The following SRP68 variants were observed in gnomAD, a reference collection of about 807,000 sequenced individuals.
SRP68 encodes signal recognition particle 68.
In SRP68, 15 loss-of-function variants were observed where a neutral mutation model predicts 82.2. That is an observed-to-expected ratio of 0.18 (90% confidence interval 0.12 to 0.28). SRP68 has a LOEUF of 0.28. Among genes scored for constraint, SRP68 ranks in the 10% least tolerant of loss-of-function variants. The pLI, the probability that SRP68 is intolerant of heterozygous loss-of-function variation, is 1.00. For missense variants in SRP68, 595 were observed against 780.5 expected (o/e 0.76, Z 2.83); for synonymous variants, 261 against 292.6 (o/e 0.89, Z 1.10).
chr17:76,055,399 G>A (rs796276983), intron 8 of SRP68, among the ~76,000 whole-genome samples: 1 of 152,026 alleles, frequency 6.6e-6, no homozygotes, highest in Non-Finnish European at 1.5e-5. Flanking sequence ...CAGTGTACAC[G>A]GTACCCAATG....
intron 12 of SRP68, among the ~76,000 whole-genome samples, chr17:76,044,585 C>T (rs573056226): frequency 1.3e-5 from 2 of 152,308 alleles, no homozygotes; most frequent in African/African-American, 2.4e-5. Flanking sequence ...TTCCAAGTTA[C>T]AAATGACACA....
intron 4 of SRP68, among the ~76,000 whole-genome samples, chr17:76,062,011 GC>G (rs1266116238): frequency 1.3e-5 from 2 of 151,920 alleles, no homozygotes; most frequent in African/African-American, 4.8e-5. Context: ...GTGTGGCCAG[GC>G]GCAGTGGCTC....
chr17:76,052,014 T>A (rs555798479), intron 8 of SRP68, among the ~76,000 whole-genome samples: 77 of 152,312 alleles, frequency 5.1e-4, no homozygotes, highest in Non-Finnish European at 3.2e-4. Flanking sequence ...TTCATGAGAT[T>A]CTCCTGCCTC....
chr17:76,048,139 A>G (rs2066645232), intron 9 of SRP68, 169 bp from the exon 10 acceptor site: 1 of 344,160 alleles, frequency 2.9e-6, no homozygotes, highest in East Asian at 4.7e-5. Flanking sequence ...CTAGAATGAC[A>G]GTGGCACTCA....
At chr17:76,067,049 C>G (rs1035681075) in intron 3 of SRP68, among the ~76,000 whole-genome samples, 168 bp downstream of exon 3, 3 of 152,068 alleles carry the variant, frequency 2.0e-5, no homozygotes, top group Non-Finnish European at 4.4e-5. Flanking sequence ...CTTGAACAAC[C>G]TAATGTATCT....
intron 8 of SRP68, among the ~76,000 whole-genome samples, chr17:76,056,879 G>T (rs1047267422): frequency 6.6e-6 from 1 of 152,152 alleles, no homozygotes; most frequent in Non-Finnish European, 1.5e-5. Flanking sequence ...CTTTTAGGAC[G>T]CATTTGGTTG....
At chr17:76,055,067 C>T (rs185993567) in intron 8 of SRP68, among the ~76,000 whole-genome samples, 43 of 151,756 alleles carry the variant, frequency 2.8e-4, no homozygotes, top group Admixed American at 6.6e-4. Flanking sequence ...AGTGATTCTC[C>T]TGCCTCAGCC....
At chr17:76,060,093 T>C (rs2066740652) in intron 7 of SRP68, among the ~76,000 whole-genome samples, 2 of 109,098 alleles carry the variant, frequency 1.8e-5, no homozygotes, top group Non-Finnish European at 3.3e-5. Context: ...GCCACCGCAC[T>C]CCAGCCTGGG....
chr17:76,061,766 C>T, intron 4 of SRP68, 192 bp from the exon 5 acceptor site: 1 of 427,306 alleles, frequency 2.3e-6, no homozygotes, highest in Non-Finnish European at 4.3e-6. Context: ...TGAAGACAAG[C>T]CAGGGCAATA....
Position 76,062,742 on chromosome 17 carries a change from T to TATATATATATATATATAAA in SRP68, c.562-1169_562-1168insTTTATATATATATATATAT, listed in dbSNP as rs1555629426. ...ATTATATTTATTTTATATATATATATATATATATATATATATATATATAAA... is the reference window on the plus strand; with the variant it reads ...ATTATATTTATTTTATATATATATATATATATATATATATATAAAATATATATATATATATATATATAAA... On this transcript the variant is annotated intron_variant, in intron 4 of 15. Coordinates refer to ENST00000307877, the MANE Select transcript of SRP68 (RefSeq NM_014230.4). 8.3e-3 allele frequency among the ~76,000 whole-genome samples: 233 copies of TATATATATATATATATAAA among 28,190 alleles called. 13 individuals carry two copies. The highest frequency in any genetic ancestry group is 0.012 in the Non-Finnish European group (215 of 17,414). 18.5% of individuals were successfully genotyped at this position (28,190 alleles called of 152,430 possible).
In SRP68 at chr17:76,062,734, T is replaced by TA. The variant is rs1567935206; in HGVS notation, c.562-1161dup. On this transcript the variant is annotated intron_variant, in intron 4 of 15. Coordinates refer to ENST00000307877, the MANE Select transcript of SRP68 (RefSeq NM_014230.4). ...TACAATATATTATATTTATTTTATA[T>TA]ATATATATATATATATATATATATA... Among the ~76,000 whole-genome samples, 3 of 7,992 alleles carry TA rather than the reference T, an allele frequency of 3.8e-4. No individual in the cohort carries two copies. In the African/African-American group the frequency reaches 3.8e-3, roughly 10 times the overall value. The allele number at this position is 7,992 out of a possible 152,430, so 5.2% of individuals were successfully genotyped here.
At chr17:76,061,380 G>C in intron 5 of SRP68, 112 bp downstream of exon 5, 1 of 1,046,660 alleles carries the variant, frequency 9.6e-7, no homozygotes, top group East Asian at 2.5e-5. Context: ...CATTTCTATA[G>C]GAAAGAAAAG....
At chr17:76,048,875 C>T (rs925047591) in intron 9 of SRP68, 1 of 152,248 alleles carries the variant, frequency 6.6e-6, no homozygotes, top group Non-Finnish European at 1.5e-5. Flanking sequence ...AGGTGAATGA[C>T]AGTGACAGGG....
chr17:76,039,559 A>G lies in SRP68; in HGVS notation c.*147T>C. 1.3e-6 allele frequency: 1 copy of G among 766,558 alleles called. No individual in the cohort carries two copies. Among genetic ancestry groups the G allele is most frequent in the East Asian group, 2.7e-5 (1 of 37,206 alleles). The allele number at this position is 766,558 out of a possible 1,614,324, so 47.5% of individuals were successfully genotyped here. On this transcript the variant is annotated 3_prime_UTR_variant, in exon 16 of 16. Transcript: ENST00000307877. ...ACGCTGCTTAAGAACGTGTACAGACACAAGATGTAGGAATGCAGGGCCGAA... is the reference window on the plus strand; with the variant it reads ...ACGCTGCTTAAGAACGTGTACAGACGCAAGATGTAGGAATGCAGGGCCGAA...
At chr17:76,062,781 T>TA (rs2066777022) in intron 4 of SRP68, among the ~76,000 whole-genome samples, 1 of 106,904 alleles carries the variant, frequency 9.4e-6, no homozygotes, top group African/African-American at 3.9e-5. Flanking sequence ...TATATATATA[T>TA]TTTTTTTGAG....
At chr17:76,055,186 C>T (rs540179313) in intron 8 of SRP68, among the ~76,000 whole-genome samples, 2 of 151,768 alleles carry the variant, frequency 1.3e-5, no homozygotes, top group African/African-American at 2.4e-5. Flanking sequence ...GGTCTCATTT[C>T]GAACTCCTGA....
At chr17:76,059,911 G>A (rs1164097950) in intron 7 of SRP68, among the ~76,000 whole-genome samples, 1 of 151,472 alleles carries the variant, frequency 6.6e-6, no homozygotes, top group Non-Finnish European at 1.5e-5. Flanking sequence ...GGATCTCGAG[G>A]TCAGGAGATC....
chr17:76,065,128 C>G (rs2066796857), intron 3 of SRP68, among the ~76,000 whole-genome samples: 1 of 152,024 alleles, frequency 6.6e-6, no homozygotes, highest in Non-Finnish European at 1.5e-5. Context: ...TTAACCTTGT[C>G]TCTTCAGAGT....
rs369788007 is a variant in SRP68 at position 76,046,237 on chromosome 17, C to T, written c.1143-43G>A. ...TCAGCTCAAGTTATACTCAGAGAAG[C>T]GGAGGAACTGGGAGGACTGGACTAC... is the stretch of plus-strand genomic sequence containing the variant. On this transcript the variant is annotated intron_variant, in intron 10 of 15. Coordinates refer to ENST00000307877, the MANE Select transcript of SRP68 (RefSeq NM_014230.4). The T allele has an allele frequency of 2.1e-5, 33 of 1,590,744 alleles. No homozygotes were observed. The Admixed American group carries it at 3.9e-4, about 19-fold the overall frequency.
Sources: allele counts gnomAD v4.1 joint callset (sites outside exome capture counted in the v4.1 genomes callset), GRCh38; gene constraint gnomAD v4.1.1; transcripts MANE v1.5; gene names NCBI Gene and HGNC (gene_info 2026-07-23, HGNC 2026-07-21).